SNX4: variants seen among roughly 807,000 people sequenced by gnomAD.
The protein encoded by SNX4 is sorting nexin 4.
A neutral mutation model predicts 70.8 loss-of-function variants in SNX4; 49 were observed. That is an observed-to-expected ratio of 0.69 (90% confidence interval 0.55 to 0.88). SNX4 has a LOEUF of 0.88. SNX4 is among the 40% of genes least tolerant of loss of function. The pLI, the probability that SNX4 is intolerant of heterozygous loss-of-function variation, is 0.00. For missense variants in SNX4, 528 were observed against 544.8 expected, an observed-to-expected ratio of 0.97 and a Z score of 0.31; for synonymous variants, 206 against 183.8, an observed-to-expected ratio of 1.12 and a Z score of -0.98.
chr3:125,499,204 T>C (rs1360160727), intron 2 of SNX4, among the ~76,000 whole-genome samples: 1 of 152,222 alleles, frequency 6.6e-6, no homozygotes, highest in Non-Finnish European at 1.5e-5. Flanking sequence ...TACTTAGGAT[T>C]TCTTGCCAGC....
intron 1 of SNX4, among the ~76,000 whole-genome samples, chr3:125,519,265 T>C (rs772136023): frequency 6.6e-6 from 1 of 152,168 alleles, no homozygotes; most frequent in South Asian, 2.1e-4. Flanking sequence ...GCAAACACTT[T>C]GTAATGAAAG....
chr3:125,493,526 C>T (rs1258461928), intron 5 of SNX4, among the ~76,000 whole-genome samples: 2 of 150,430 alleles, frequency 1.3e-5, no homozygotes, highest in Non-Finnish European at 3.0e-5. Context: ...TGGTGGTGGG[C>T]GCCTGTAGTC....
intron 1 of SNX4, among the ~76,000 whole-genome samples, chr3:125,510,546 G>C (rs533225311): frequency 1.3e-5 from 2 of 152,128 alleles, no homozygotes; most frequent in South Asian, 2.1e-4. Flanking sequence ...TTTTTTGAAC[G>C]TGATATATAT....
intron 9 of SNX4, among the ~76,000 whole-genome samples, chr3:125,464,091 T>G (rs1484860470): frequency 6.6e-6 from 1 of 152,050 alleles, no homozygotes; most frequent in African/African-American, 2.4e-5. Context: ...AATATAAAAT[T>G]TACCTTGTTA....
chr3:125,498,125 C>G lies in SNX4; in HGVS notation c.333G>C (p.Glu111Asp). ...DSLWRRYSEF[E>D]LLRSYLLVYY... The stretch of plus-strand genomic sequence containing the variant: ...AAACTAAAAGGTAGCTTCTCAACAA[C>G]TCAAATTCACTATATCGCCGCCATA... The change falls in exon 3 of 14, where the codon GAG becomes GAC. Residue 111 changes from glutamate to aspartate, a missense_variant. Transcript: ENST00000251775. The G allele has an allele frequency of 6.2e-7, 1 of 1,614,162 alleles. No homozygotes were observed. Among genetic ancestry groups the G allele is most frequent in the African/African-American group, 1.3e-5 (1 of 75,052 alleles).
Position 125,476,694 on chromosome 3 carries a change from C to T in SNX4, c.788+1G>A. The T allele has an allele frequency of 1.9e-6, 3 of 1,572,924 alleles. No homozygotes were observed. Among genetic ancestry groups the T allele is most frequent in the Non-Finnish European group, 2.6e-6 (3 of 1,145,562 alleles). On this transcript the variant is annotated splice_donor_variant, in intron 8 of 13. Coordinates refer to ENST00000251775, the MANE Select transcript of SNX4 (RefSeq NM_003794.4). LOFTEE classifies it high-confidence loss of function. ...ATTTTTAAAGTTTGTATGATGCTTA[C>T]CTGAAAACTCGACCATAATTCCCAT...
intron 9 of SNX4, among the ~76,000 whole-genome samples, chr3:125,468,710 G>A (rs115189231): frequency 0.068 from 10,343 of 152,100 alleles, 472 homozygotes; most frequent in Non-Finnish European, 0.1. Flanking sequence ...TTAGCCAGGC[G>A]TGGTGGCATG....
intron 13 of SNX4, among the ~76,000 whole-genome samples, chr3:125,450,115 T>C (rs576796557): frequency 3.6e-4 from 54 of 152,094 alleles, no homozygotes; most frequent in African/African-American, 1.3e-3. Context: ...GACAATGGAT[T>C]GTAAATATCT....
intron 6 of SNX4, among the ~76,000 whole-genome samples, chr3:125,488,454 G>A (rs1046398381): frequency 2.6e-5 from 4 of 151,936 alleles, no homozygotes; most frequent in South Asian, 2.1e-4. Flanking sequence ...CAGCCTGGGC[G>A]ACAGAGCAAG....
intron 10 of SNX4, 48 bp from the exon 11 acceptor site, chr3:125,457,413 C>G: frequency 7.1e-7 from 1 of 1,415,140 alleles, no homozygotes; most frequent in Non-Finnish European, 1.0e-6. Context: ...TTTAACATGT[C>G]AAACATTTTT....
chr3:125,460,741 G>GGCT, intron 10 of SNX4, 30 bp downstream of exon 10: 1 of 1,118,632 alleles, frequency 8.9e-7, no homozygotes, highest in Non-Finnish European at 1.3e-6. Flanking sequence ...ACAACCCTGT[G>GGCT]GCTGCACCTG....
intron 11 of SNX4, among the ~76,000 whole-genome samples, chr3:125,456,788 G>A (rs181924118): frequency 2.5e-4 from 38 of 152,254 alleles, no homozygotes; most frequent in Admixed American, 2.4e-3. Flanking sequence ...ACCTTCCCGA[G>A]TAGCTGGGAC....
chr3:125,460,953 C>T, intron 9 of SNX4, 93 bp from the exon 10 acceptor site: 1 of 537,312 alleles, frequency 1.9e-6, no homozygotes, highest in Non-Finnish European at 3.2e-6. Context: ...AGGCTGGGCG[C>T]AGTGGCTCAC....
At chr3:125,456,464 C>T (rs1213689352) in intron 11 of SNX4, among the ~76,000 whole-genome samples, 2 of 151,878 alleles carry the variant, frequency 1.3e-5, no homozygotes, top group Non-Finnish European at 2.9e-5. Context: ...AGTTTGAGAC[C>T]ACCCTGGTCA....
chr3:125,495,443 G>A (rs1934773610), intron 5 of SNX4, among the ~76,000 whole-genome samples: 1 of 151,256 alleles, frequency 6.6e-6, no homozygotes, highest in African/African-American at 2.4e-5. Flanking sequence ...AGAGACACAT[G>A]GGTTTCCGAA....
At chr3:125,513,763 C>T (rs989652693) in intron 1 of SNX4, among the ~76,000 whole-genome samples, 1 of 152,166 alleles carries the variant, frequency 6.6e-6, no homozygotes, top group African/African-American at 2.4e-5. Flanking sequence ...TCTGTCTACA[C>T]AGATCAGAGG....
At chr3:125,488,602 A>G (rs1030005156) in intron 6 of SNX4, among the ~76,000 whole-genome samples, 3 of 152,228 alleles carry the variant, frequency 2.0e-5, no homozygotes, top group African/African-American at 7.2e-5. Context: ...CATTTTGTTA[A>G]TATGTTATGG....
chr3:125,507,599 GAC>G (rs1935078327), intron 1 of SNX4, among the ~76,000 whole-genome samples: 1 of 152,136 alleles, frequency 6.6e-6, no homozygotes, highest in Non-Finnish European at 1.5e-5. Context: ...ACTTTTCAAA[GAC>G]AGAATCTTGA....
chr3:125,491,663 T>A (rs996289294), intron 5 of SNX4, among the ~76,000 whole-genome samples: 3 of 152,166 alleles, frequency 2.0e-5, no homozygotes, highest in African/African-American at 7.2e-5. Flanking sequence ...CCAAATCTGA[T>A]AGGTTATCGC....
Sources: allele counts gnomAD v4.1 joint callset (sites outside exome capture counted in the v4.1 genomes callset), GRCh38; gene constraint gnomAD v4.1.1; transcripts MANE v1.5; gene names NCBI Gene and HGNC (gene_info 2026-07-23, HGNC 2026-07-21).